EPS8: variants seen among roughly 807,000 people sequenced by gnomAD.
The protein encoded by EPS8 is EGFR pathway substrate 8, signaling adaptor.
EPS8 carries 42 observed loss-of-function variants against 103.8 expected under a neutral mutation model. That is an observed-to-expected ratio of 0.40 (90% CI 0.32 to 0.52). The LOEUF (loss-of-function observed/expected upper bound fraction) is 0.52. Among genes scored for constraint, EPS8 ranks in the 20% least tolerant of loss-of-function variants. The probability of loss-of-function intolerance (pLI) is 0.40; values close to 1 mark genes in which losing one functional copy is unlikely to be tolerated. For missense variants in EPS8, 969 were observed against 1,005.1 expected (o/e 0.96, Z 0.49); for synonymous variants, 344 against 344.6 (o/e 1.00, Z 0.02).
At chr12:15,753,139 C>A (rs1591920565) in intron 1 of EPS8, among the ~76,000 whole-genome samples, 1 of 152,004 alleles carries the variant, frequency 6.6e-6, no homozygotes, top group East Asian at 1.9e-4. Context: ...CCACCCCTGT[C>A]CCCTGCAACA....
intron 17 of EPS8, among the ~76,000 whole-genome samples, chr12:15,637,422 A>G (rs1308982857): frequency 6.6e-6 from 1 of 152,240 alleles, no homozygotes; most frequent in African/African-American, 2.4e-5. Flanking sequence ...GGCTTCATAC[A>G]GCTGTATAAA....
chr12:15,699,888 G>T (rs571110566), intron 1 of EPS8, among the ~76,000 whole-genome samples: 2 of 152,270 alleles, frequency 1.3e-5, no homozygotes, highest in East Asian at 3.9e-4. Flanking sequence ...AGGTGCGGTG[G>T]CTCACGCCTG....
intron 12 of EPS8, among the ~76,000 whole-genome samples, chr12:15,654,618 T>C (rs540855844): frequency 2.1e-4 from 32 of 152,306 alleles, no homozygotes; most frequent in African/African-American, 7.7e-4. Flanking sequence ...TACCCCTGTT[T>C]TGTTGTTGTT....
chr12:15,685,889 T>C (rs1485637949), intron 1 of EPS8, among the ~76,000 whole-genome samples: 1 of 152,242 alleles, frequency 6.6e-6, no homozygotes, highest in African/African-American at 2.4e-5. Flanking sequence ...TTTTATAAAC[T>C]GTTAAAGCAA....
chr12:15,647,790 C>G (rs1945345270), intron 14 of EPS8, among the ~76,000 whole-genome samples: 1 of 152,142 alleles, frequency 6.6e-6, no homozygotes, highest in African/African-American at 2.4e-5. Flanking sequence ...CCAAGAGTGA[C>G]AGTTGAGGTT....
intron 16 of EPS8, 83 bp from the exon 17 acceptor site, chr12:15,640,929 A>T: frequency 8.0e-7 from 1 of 1,256,660 alleles, no homozygotes; most frequent in South Asian, 1.4e-5. Flanking sequence ...CAACAAAGAA[A>T]ATTTTTCTAC....
At chr12:15,624,449 ATATT>A (rs1343652641) in intron 18 of EPS8, 42 bp from the exon 19 acceptor site, 1 of 1,426,750 alleles carries the variant, frequency 7.0e-7, no homozygotes, top group South Asian at 1.4e-5. Context: ...AAAATCCCTA[ATATT>A]ACATCACCCT....
At chr12:15,643,577 TA>T (rs1190650700) in intron 15 of EPS8, among the ~76,000 whole-genome samples, 1 of 151,786 alleles carries the variant, frequency 6.6e-6, no homozygotes, top group Non-Finnish European at 1.5e-5. Flanking sequence ...CCATCTCTAC[TA>T]AAAATACAAA....
intron 1 of EPS8, among the ~76,000 whole-genome samples, chr12:15,774,450 G>A (rs1014167080): frequency 1.3e-5 from 2 of 151,128 alleles, no homozygotes; most frequent in African/African-American, 2.4e-5. Flanking sequence ...CCACAGGGAC[G>A]CCAACCATCT....
At position 15,738,108 on chromosome 12, in the gene EPS8, A is replaced by AT. The variant is rs1254286767; in HGVS notation, c.-22+51052dup. Among the ~76,000 whole-genome samples the AT allele has an allele frequency of 6.6e-6, 1 of 152,146 alleles. No individual in the cohort carries two copies. Among genetic ancestry groups the AT allele is most frequent in the East Asian group, 1.9e-4 (1 of 5,202 alleles). On this transcript the variant is annotated intron_variant, in intron 1 of 20. Coordinates refer to ENST00000281172, the MANE Select transcript of EPS8 (RefSeq NM_004447.6). The surrounding 1 kb of genome is among the most constrained non-coding windows in gnomAD (Gnocchi z 6.2). ...CGAAATAGATATATTTCCTAGTGTT[A>AT]TTTTTGGTAGATAGTGTTTAATACA...
Position 15,787,572 on chromosome 12 carries a change from A to G in EPS8, c.-22+1589T>C, listed in dbSNP as rs2136062948. On this transcript the variant is annotated intron_variant, in intron 1 of 20. Coordinates refer to ENST00000281172, the MANE Select transcript of EPS8 (RefSeq NM_004447.6). The surrounding 1 kb of genome is among the most constrained non-coding windows in gnomAD (Gnocchi z 4.9). The stretch of plus-strand genomic sequence containing the variant: ...TATTCAATGACATTGGGAAGTGAAA[A>G]AAATTACAAAGAGAATGCACCAAGT... 6.6e-6 allele frequency among the ~76,000 whole-genome samples: 1 copy of G among 152,320 alleles called. No homozygotes were observed. The highest frequency in any genetic ancestry group is 2.4e-5 in the African/African-American group (1 of 41,588).
chr12:15,737,652 G>T (rs1473268524), intron 1 of EPS8, among the ~76,000 whole-genome samples: 1 of 152,090 alleles, frequency 6.6e-6, no homozygotes, highest in Non-Finnish European at 1.5e-5. Flanking sequence ...GGTAAGTGAA[G>T]AACTAAAACT....
chr12:15,672,823 T>G (rs890890750), intron 3 of EPS8, among the ~76,000 whole-genome samples: 1 of 152,170 alleles, frequency 6.6e-6, no homozygotes, highest in Non-Finnish European at 1.5e-5. Flanking sequence ...CTGTCCACGA[T>G]AGATTCAGAG....
chr12:15,756,792 A>G (rs982790232), intron 1 of EPS8, among the ~76,000 whole-genome samples: 1 of 152,220 alleles, frequency 6.6e-6, no homozygotes, highest in Non-Finnish European at 1.5e-5. Flanking sequence ...CTATCTTCAG[A>G]AAAAGATACA....
Position 15,734,558 on chromosome 12 carries a change from G to A in EPS8, c.-21-51586C>T, listed in dbSNP as rs1284815721. On this transcript the variant is annotated intron_variant, in intron 1 of 20. Transcript: ENST00000281172. This position sits in a 1 kb window ranked among gnomAD's most constrained non-coding sequence, Gnocchi z 4.1. ...AAATACAAAGAATTAGCCGGGCATG[G>A]TGGTGGGCGCCTGTGGTCCCAGCTA... Among the ~76,000 whole-genome samples, 2 of 152,080 alleles carry A rather than the reference G, an allele frequency of 1.3e-5. No homozygotes were observed. The highest frequency in any genetic ancestry group is 1.5e-5 in the Non-Finnish European group (1 of 68,034).
chr12:15,665,792 C>T lies in EPS8; in HGVS notation c.700G>A (p.Ala234Thr). ...VTQVDVRSRV[A>T]AWSAWAADQG... ...TCGGCTGCCCATGCAGACCAGGCTG[C>T]CACTCGACTTCTAACATCCACCTGG... is the stretch of plus-strand genomic sequence containing the variant. Residue 234 changes from alanine (A) to threonine (T), a missense_variant, in exon 8 of 21, where the codon GCA becomes ACA. Physicochemically the swap from Ala to Thr is moderately conservative, Grantham distance 58. Coordinates refer to ENST00000281172, the MANE Select transcript of EPS8 (RefSeq NM_004447.6). The T allele has an allele frequency of 6.2e-7, 1 of 1,613,536 alleles. No individual in the cohort carries two copies. Among genetic ancestry groups the T allele is most frequent in the Admixed American group, 1.7e-5 (1 of 59,816 alleles).
chr12:15,781,199 C>A lies in EPS8; in HGVS notation c.-22+7962G>T, dbSNP rs1488776798. Among the ~76,000 whole-genome samples the A allele has an allele frequency of 6.6e-6, 1 of 152,184 alleles. No individual in the cohort carries two copies. Among genetic ancestry groups the A allele is most frequent in the African/African-American group, 2.4e-5 (1 of 41,462 alleles). On this transcript the variant is annotated intron_variant, in intron 1 of 20. Coordinates refer to ENST00000281172, the MANE Select transcript of EPS8 (RefSeq NM_004447.6). The surrounding 1 kb of genome is among the most constrained non-coding windows in gnomAD (Gnocchi z 4.1). ...GGTCAGTAGGATACAGATGAGTCAA[C>A]AGAAAACAAAGCTAGAAGAATCTTT... is the stretch of plus-strand genomic sequence containing the variant.
Position 15,735,082 on chromosome 12 carries a change from G to A in EPS8, c.-21-52110C>T, listed in dbSNP as rs980983450. Among the ~76,000 whole-genome samples, 6 of 152,160 alleles carry A rather than the reference G, an allele frequency of 3.9e-5. No individual in the cohort carries two copies. Among genetic ancestry groups the A allele is most frequent in the Non-Finnish European group, 8.8e-5 (6 of 68,020 alleles). On this transcript the variant is annotated intron_variant, in intron 1 of 20. Transcript: ENST00000281172. The surrounding 1 kb of genome is among the most constrained non-coding windows in gnomAD (Gnocchi z 4.4). Reference sequence around the variant, plus strand: ...TAACAGCATTTCATGGATAACTGTAGTATTCCCAGGTACATGCAAATGACA... The same window carrying A: ...TAACAGCATTTCATGGATAACTGTAATATTCCCAGGTACATGCAAATGACA...
intron 1 of EPS8, among the ~76,000 whole-genome samples, chr12:15,746,205 A>C (rs1327781567): frequency 6.6e-6 from 1 of 152,188 alleles, no homozygotes; most frequent in African/African-American, 2.4e-5. Flanking sequence ...CCTCAGTAGC[A>C]CTGTGTGAAA....
Sources: allele counts gnomAD v4.1 joint callset (sites outside exome capture counted in the v4.1 genomes callset), GRCh38; gene constraint gnomAD v4.1.1; non-coding constraint Gnocchi (gnomAD v3.1); transcripts MANE v1.5; gene names NCBI Gene and HGNC (gene_info 2026-07-23, HGNC 2026-07-21).